Variants in GAA observed in about 807,000 individuals in gnomAD.
GAA encodes alpha glucosidase, also known as lysosomal alpha-glucosidase.
A neutral mutation model predicts 103.9 loss-of-function variants in GAA; 88 were observed. The ratio of observed to expected loss-of-function variants is 0.85; its 90% confidence interval spans 0.71 to 1.01. The LOEUF (loss-of-function observed/expected upper bound fraction) is 1.01. Among genes scored for constraint, GAA ranks in the 50% least tolerant of loss-of-function variants. The pLI is 0.00. For missense variants in GAA, 1,350 were observed against 1,305.3 expected (o/e 1.03, Z -0.53); for synonymous variants, 572 against 563.1 (o/e 1.02, Z -0.22).
chr17:80,113,261 T>C lies in GAA; in HGVS notation c.2084T>C (p.Met695Thr), dbSNP rs2143895805. The change falls in exon 15 of 20, where the codon ATG becomes ACG. Residue 695 changes from methionine to threonine, a missense_variant. Transcript: ENST00000302262. The part of the protein sequence containing the change: ...YSFSEPAQQA[M>T]RKALTLRYAL... Reference sequence around the variant, plus strand: ...TTCAGCGAGCCGGCCCAGCAGGCCATGAGGAAGGCCCTCACCCTGCGCTAC... The same window carrying C: ...TTCAGCGAGCCGGCCCAGCAGGCCACGAGGAAGGCCCTCACCCTGCGCTAC... 1.9e-6 allele frequency: 3 copies of C among 1,602,352 alleles called. No individual in the cohort carries two copies. The highest frequency in any genetic ancestry group is 2.6e-6 in the Non-Finnish European group (3 of 1,175,080).
intron 8 of GAA, among the ~76,000 whole-genome samples, chr17:80,109,547 ATGC>A (rs2143862863): frequency 6.6e-6 from 1 of 152,364 alleles, no homozygotes; most frequent in East Asian, 1.9e-4. Context: ...GGCTGTGCTG[ATGC>A]TGCCTGTTTC....
Position 80,117,740 on chromosome 17 carries a change from C to T in GAA, c.2472C>T (p.Ile824=), listed in dbSNP as rs2039389492. ...INVHLRAGYI[I]PLQGPGLTTT... is the part of the protein sequence containing the mutation. ...TCCACCTCCGGGCTGGGTACATCAT[C>T]CCCCTGCAGGTACCTGGGCCAGGCG... is the stretch of plus-strand genomic sequence containing the variant. The change falls in exon 17 of 20, where the codon ATC becomes ATT. Residue 824 remains isoleucine, a synonymous_variant. Transcript: ENST00000302262. 1 of 1,609,426 alleles carries T rather than the reference C, an allele frequency of 6.2e-7. No homozygotes were observed. Among genetic ancestry groups the T allele is most frequent in the Non-Finnish European group, 8.5e-7 (1 of 1,178,862 alleles).
intron 2 of GAA, 83 bp from the exon 3 acceptor site, chr17:80,105,666 C>T (rs777919774): frequency 2.2e-4 from 336 of 1,526,864 alleles, no homozygotes; most frequent in Non-Finnish European, 2.9e-4. Flanking sequence ...TGCACCAGGA[C>T]CTGACCTGTC....
rs1238980415 is a variant in GAA, at chr17:80,108,425, T to C, written c.1075+16T>C. Reference sequence around the variant, plus strand: ...GACGTTGTGGGTAGGGCCTGCTCCCTGGCCGCGGCCCCCGCCCCAAGGCTC... The same window carrying C: ...GACGTTGTGGGTAGGGCCTGCTCCCCGGCCGCGGCCCCCGCCCCAAGGCTC... On this transcript the variant is annotated intron_variant, in intron 6 of 19. Transcript: ENST00000302262. 1.2e-6 allele frequency: 2 copies of C among 1,613,114 alleles called. No individual in the cohort carries two copies. Among genetic ancestry groups the C allele is most frequent in the Admixed American group, 1.7e-5 (1 of 60,012 alleles).
At chr17:80,118,444 G>A (rs1160466084) in intron 18 of GAA, 87 bp downstream of exon 18, 9 of 1,505,624 alleles carry the variant, frequency 6.0e-6, no homozygotes, top group South Asian at 1.2e-5. Flanking sequence ...GGGGTCCCAC[G>A]ATGGCTACCT....
Position 80,112,072 on chromosome 17 carries a change from G to C in GAA, c.1726G>C (p.Gly576Arg), listed in dbSNP as rs1800307. ...ACACTACAACCTGCACAACCTCTAC[G>C]GCCTGACCGAAGCCATCGCCTCCCA... The part of the protein sequence containing the change: ...STHYNLHNLY[G>R]LTEAIASHRA... The change falls in exon 12 of 20, where the codon GGC (glycine) becomes CGC (arginine). Residue 576 changes from glycine to arginine, a missense_variant. Coordinates refer to ENST00000302262, the MANE Select transcript of GAA (RefSeq NM_000152.5). 1 of 1,613,972 alleles carries C rather than the reference G, an allele frequency of 6.2e-7. No individual in the cohort carries two copies. The highest frequency in any genetic ancestry group is 1.3e-5 in the African/African-American group (1 of 75,052).
At position 80,119,388 on chromosome 17, in the gene GAA, C is replaced by CCTGTGTGCGGGCAGCAG. The variant is rs1203527383; in HGVS notation, c.*70_*86dup. On this transcript the variant is annotated 3_prime_UTR_variant, in exon 20 of 20. Transcript: ENST00000302262. ...AGGCTGGTTCCCCAGGGAAGCAGAG[C>CCTGTGTGCGGGCAGCAG]CTGTGTGCGGGCAGCAGCTGTGTGC... 6.8e-7 allele frequency: 1 copy of CCTGTGTGCGGGCAGCAG among 1,461,450 alleles called. No homozygotes were observed. The highest frequency in any genetic ancestry group is 9.6e-7 in the Non-Finnish European group (1 of 1,041,512). The allele number at this position is 1,461,450 out of a possible 1,614,324, so 90.5% of individuals were successfully genotyped here. A position where few individuals can be genotyped will look rare whatever the true frequency, so the allele number is the denominator to read the frequency against.
rs1598576696 is a variant in GAA at position 80,108,339 on chromosome 17, G to A, written c.1005G>A (p.Gly335=). 6.2e-7 allele frequency: 1 copy of A among 1,613,694 alleles called. No homozygotes were observed. The highest frequency in any genetic ancestry group is 8.5e-7 in the Non-Finnish European group (1 of 1,180,030). ...SPALSWRSTG[G]ILDVYIFLGP... The stretch of plus-strand genomic sequence containing the variant: ...CCCTTAGCTGGAGGTCGACAGGTGG[G>A]ATCCTGGATGTCTACATCTTCCTGG... The change falls in exon 6 of 20, where the codon GGG becomes GGA. Residue 335 remains glycine, a synonymous_variant. Transcript: ENST00000302262.
intron 6 of GAA, 37 bp from the exon 7 acceptor site, chr17:80,108,452 C>G: frequency 6.2e-7 from 1 of 1,613,192 alleles, no homozygotes; most frequent in Non-Finnish European, 8.5e-7. Flanking sequence ...CCAAGGCTCC[C>G]TCCTCCCTCC....
chr17:80,105,273 A>G (rs2039054437), intron 2 of GAA, 141 bp downstream of exon 2: 2 of 839,184 alleles, frequency 2.4e-6, no homozygotes, highest in Non-Finnish European at 3.6e-6. Context: ...TGAGCAGACA[A>G]TGGCAGCGCC....
Position 80,119,446 on chromosome 17 carries a change from G to T in GAA, c.*115G>T. ...GGGGTTGCATGTGTCACCTGGAGCTGGGCACTAACCATTCCAAGCCGCCGC... is the reference window on the plus strand; with the variant it reads ...GGGGTTGCATGTGTCACCTGGAGCTTGGCACTAACCATTCCAAGCCGCCGC... On this transcript the variant is annotated 3_prime_UTR_variant, in exon 20 of 20. Transcript: ENST00000302262. 1 of 891,826 alleles carries T rather than the reference G, an allele frequency of 1.1e-6. No homozygotes were observed. 55.2% of individuals were successfully genotyped at this position (891,826 alleles called of 1,614,324 possible).
chr17:80,113,816 C>T (rs1357194136), intron 15 of GAA, among the ~76,000 whole-genome samples: 2 of 151,906 alleles, frequency 1.3e-5, no homozygotes, highest in African/African-American at 2.4e-5. Flanking sequence ...GTCAAGAGTT[C>T]GAGGCCAGCC....
Position 80,113,200 on chromosome 17 carries a change from C to T in GAA, c.2041-18C>T. Reference sequence around the variant, plus strand: ...CCCCAGCACCCAAGTGCTTCCTTTGCCCCCGCCTGCCCTGCAGCCCCAGGA... The same window carrying T: ...CCCCAGCACCCAAGTGCTTCCTTTGTCCCCGCCTGCCCTGCAGCCCCAGGA... On this transcript the variant is annotated intron_variant, in intron 14 of 19. Transcript: ENST00000302262. 1.9e-6 allele frequency: 3 copies of T among 1,582,468 alleles called. No individual in the cohort carries two copies. The highest frequency in any genetic ancestry group is 1.8e-5 in the Admixed American group (1 of 56,440).
rs115060925 is a variant in GAA at position 80,104,034 on chromosome 17, G to T, written c.-32-521G>T. 0.012 allele frequency among the ~76,000 whole-genome samples: 1,753 copies of T among 152,268 alleles called. 34 individuals carry two copies. The highest frequency in any genetic ancestry group is 0.04 in the African/African-American group (1,672 of 41,546). On this transcript the variant is annotated intron_variant, in intron 1 of 19. Coordinates refer to ENST00000302262, the MANE Select transcript of GAA (RefSeq NM_000152.5). The surrounding 1 kb of genome is among the most constrained non-coding windows in gnomAD (Gnocchi z 4.0). ...ATCCCAGCACTTCGGAAGGCCAAGG[G>T]GGGTGGATCACTTGAGCTCAGGAGT...
chr17:80,117,774 G>A (rs544579979), intron 17 of GAA, 25 bp downstream of exon 17: 1 of 1,595,094 alleles, frequency 6.3e-7, no homozygotes, highest in Non-Finnish European at 8.5e-7. Flanking sequence ...CGGCTATGGT[G>A]GGGGTGTGGA....
In GAA at chr17:80,119,465, C is replaced by T. The variant is rs2039435441; in HGVS notation, c.*134C>T. On this transcript the variant is annotated 3_prime_UTR_variant, in exon 20 of 20. Coordinates refer to ENST00000302262, the MANE Select transcript of GAA (RefSeq NM_000152.5). ...GGAGCTGGGCACTAACCATTCCAAG[C>T]CGCCGCATCGCTTGTTTCCACCTCC... 6 of 774,796 alleles carry T rather than the reference C, an allele frequency of 7.7e-6. No individual in the cohort carries two copies. The highest frequency in any genetic ancestry group is 1.1e-5 in the Non-Finnish European group (5 of 443,612). 48.0% of individuals were successfully genotyped at this position (774,796 alleles called of 1,614,324 possible).
At position 80,112,919 on chromosome 17, in the gene GAA, C is replaced by G; in HGVS notation, c.1932C>G (p.Ala644=). 6.2e-7 allele frequency: 1 copy of G among 1,610,564 alleles called. No individual in the cohort carries two copies. The highest frequency in any genetic ancestry group is 8.5e-7 in the Non-Finnish European group (1 of 1,178,852). The change falls in exon 14 of 20, where the codon GCC becomes GCG. Residue 644 remains alanine, a synonymous_variant. Coordinates refer to ENST00000302262, the MANE Select transcript of GAA (RefSeq NM_000152.5). ...FNLLGVPLVG[A]DVCGFLGNTS... Reference sequence around the variant, plus strand: ...TGCTGGGGGTGCCTCTGGTCGGGGCCGACGTCTGCGGCTTCCTGGGCAACA... The same window carrying G: ...TGCTGGGGGTGCCTCTGGTCGGGGCGGACGTCTGCGGCTTCCTGGGCAACA...
Position 80,112,112 on chromosome 17 carries a change from G to A in GAA, c.1754+12G>A, listed in dbSNP as rs2304840. The A allele has an allele frequency of 0.063, 100,766 of 1,608,178 alleles. 3,337 individuals are homozygous for A. The highest frequency in any genetic ancestry group is 0.077 in the African/African-American group (5,761 of 74,928). On this transcript the variant is annotated intron_variant, in intron 12 of 19. Coordinates refer to ENST00000302262, the MANE Select transcript of GAA (RefSeq NM_000152.5). ...ATCGCCTCCCACAGGTGAGGGCCAC[G>A]TCCCGCCCCACTGGGCTCTGCCCTC...
rs2038949040 is a variant in GAA, at chr17:80,101,594, TC to T, written c.-327del. 1 of 150,216 alleles carries T rather than the reference TC, an allele frequency of 6.7e-6. No homozygotes were observed. Among genetic ancestry groups the T allele is most frequent in the East Asian group, 2.0e-4 (1 of 5,088 alleles). 9.3% of individuals were successfully genotyped at this position (150,216 alleles called of 1,614,324 possible). A position where few individuals can be genotyped will look rare whatever the true frequency, so the allele number is the denominator to read the frequency against. On this transcript the variant is annotated 5_prime_UTR_variant, in exon 1 of 20. Transcript: ENST00000302262. ...CGCCCCCGGGCACGACCCCGGAGTCTCCGCGGGCGGCCAGGGCGCGCGTGCG... is the reference window on the plus strand; with the variant it reads ...CGCCCCCGGGCACGACCCCGGAGTCTCGCGGGCGGCCAGGGCGCGCGTGCG...
Sources: gnomAD v4.1 joint callset for allele counts (sites outside exome capture counted in the v4.1 genomes callset) on GRCh38, gnomAD v4.1.1 for gene constraint, Gnocchi (gnomAD v3.1) non-coding constraint, MANE v1.5 for transcripts, NCBI Gene and HGNC (gene_info 2026-07-23, HGNC 2026-07-21) for gene names.